Variants in ARHGAP28 observed in about 807,000 individuals in gnomAD.
ARHGAP28 encodes rho GTPase-activating protein 28.
A neutral mutation model predicts 90.7 loss-of-function variants in ARHGAP28; 56 were observed. The observed-to-expected ratio is 0.62, with a 90% CI of 0.50 to 0.77. The LOEUF is 0.77. ARHGAP28 is among the 30% of genes least tolerant of loss of function. The pLI is 0.00. For missense variants in ARHGAP28, 869 were observed against 900.9 expected (o/e 0.96, Z 0.45); for synonymous variants, 308 against 323.3 (o/e 0.95, Z 0.51).
intron 3 of ARHGAP28, among the ~76,000 whole-genome samples, chr18:6,847,543 G>A (rs1330216314): frequency 1.3e-5 from 2 of 151,890 alleles, no homozygotes; most frequent in East Asian, 1.9e-4. Context: ...TGAAAAATAT[G>A]TTTCTTACCT....
intron 1 of ARHGAP28, among the ~76,000 whole-genome samples, chr18:6,793,528 G>A (rs976835024): frequency 2.0e-5 from 3 of 152,064 alleles, no homozygotes; most frequent in African/African-American, 7.2e-5. Context: ...TGCTCTAAGT[G>A]GAAGAAAACT....
At chr18:6,808,905 G>A (rs1482258666) in intron 1 of ARHGAP28, among the ~76,000 whole-genome samples, 4 of 152,214 alleles carry the variant, frequency 2.6e-5, no homozygotes, top group Admixed American at 1.3e-4. Context: ...ATGCAGCCCT[G>A]ATGGGCATTC....
intron 1 of ARHGAP28, among the ~76,000 whole-genome samples, chr18:6,758,703 G>A (rs2056134010): frequency 6.6e-6 from 1 of 152,186 alleles, no homozygotes. Flanking sequence ...TTTCCTCCTA[G>A]CTGCTTGGTC....
chr18:6,840,145 A>G (rs1397668647), intron 3 of ARHGAP28, among the ~76,000 whole-genome samples: 1 of 152,184 alleles, frequency 6.6e-6, no homozygotes, highest in Non-Finnish European at 1.5e-5. Flanking sequence ...GTGATTTGCT[A>G]TTACTGTAAA....
chr18:6,763,864 C>T (rs1306677338), intron 1 of ARHGAP28, among the ~76,000 whole-genome samples: 1 of 152,154 alleles, frequency 6.6e-6, no homozygotes, highest in African/African-American at 2.4e-5. Context: ...CTGAGCTTCT[C>T]CCTCTTCTCT....
intron 5 of ARHGAP28, among the ~76,000 whole-genome samples, chr18:6,860,776 T>G (rs1428638192): frequency 6.6e-6 from 1 of 152,198 alleles, no homozygotes; most frequent in African/African-American, 2.4e-5. Flanking sequence ...TGTTTTTAGA[T>G]TTTTGTTTAT....
intron 4 of ARHGAP28, among the ~76,000 whole-genome samples, chr18:6,854,197 C>T (rs762963043): frequency 6.6e-6 from 1 of 152,060 alleles, no homozygotes; most frequent in Non-Finnish European, 1.5e-5. Flanking sequence ...TTCTCTCTCT[C>T]TCTCTTTTTT....
chr18:6,910,993 CATCA>C (rs2057395337), intron 17 of ARHGAP28, among the ~76,000 whole-genome samples: 3 of 151,686 alleles, frequency 2.0e-5, no homozygotes, highest in Non-Finnish European at 4.4e-5. Context: ...TACAGGCGCC[CATCA>C]CCACGCCCGG....
intron 1 of ARHGAP28, among the ~76,000 whole-genome samples, chr18:6,774,806 A>T (rs538994961): frequency 1.7e-4 from 26 of 152,284 alleles, no homozygotes; most frequent in Non-Finnish European, 1.9e-4. Context: ...CCCTGGTCCT[A>T]CACCTATGGT....
chr18:6,801,411 T>C (rs2056480832), intron 1 of ARHGAP28, among the ~76,000 whole-genome samples: 1 of 152,204 alleles, frequency 6.6e-6, no homozygotes, highest in Non-Finnish European at 1.5e-5. Flanking sequence ...TATAATTTTA[T>C]AACAAGTCTT....
At position 6,767,126 on chromosome 18, in the gene ARHGAP28, T is replaced by A. The variant is rs2056205793; in HGVS notation, c.122+37183T>A. 2.0e-5 allele frequency among the ~76,000 whole-genome samples: 3 copies of A among 152,210 alleles called. No individual in the cohort carries two copies. In the South Asian group the frequency reaches 6.2e-4, roughly 31 times the overall value. ...TTTTATCTCTACTCTTTTAGCTCTT[T>A]GTTCATTATTTTTCGTGATGGCTGC... On this transcript the variant is annotated intron_variant, in intron 1 of 17. Coordinates refer to ENST00000383472, the MANE Select transcript of ARHGAP28 (RefSeq NM_001366230.1).
At chr18:6,739,124 C>A (rs1480657956) in intron 1 of ARHGAP28, among the ~76,000 whole-genome samples, 1 of 152,148 alleles carries the variant, frequency 6.6e-6, no homozygotes, top group East Asian at 1.9e-4. Context: ...AGCCAAGATT[C>A]CAACCCGGTC....
intron 1 of ARHGAP28, chr18:6,791,656 T>G (rs893743857): frequency 5.9e-5 from 9 of 152,152 alleles, no homozygotes; most frequent in African/African-American, 9.7e-5. Flanking sequence ...GCAGATGACT[T>G]GAATTTCCAG....
chr18:6,774,908 G>A (rs1379184544), intron 1 of ARHGAP28, among the ~76,000 whole-genome samples: 2 of 152,128 alleles, frequency 1.3e-5, no homozygotes, highest in African/African-American at 4.8e-5. Flanking sequence ...TGATCTTTCC[G>A]TGGCCTCTGT....
At chr18:6,862,515 C>G (rs2057006569) in intron 5 of ARHGAP28, among the ~76,000 whole-genome samples, 1 of 152,196 alleles carries the variant, frequency 6.6e-6, no homozygotes, top group Admixed American at 6.5e-5. Context: ...GTTTGAAATG[C>G]CAACTTTATG....
intron 1 of ARHGAP28, among the ~76,000 whole-genome samples, chr18:6,732,355 GAT>G (rs1418237129): frequency 6.6e-6 from 1 of 152,158 alleles, no homozygotes; most frequent in Non-Finnish European, 1.5e-5. Flanking sequence ...GGGTTACAGA[GAT>G]AAACGGGACA....
intron 12 of ARHGAP28, among the ~76,000 whole-genome samples, chr18:6,888,739 A>G (rs933173592): frequency 6.6e-6 from 1 of 152,302 alleles, no homozygotes; most frequent in African/African-American, 2.4e-5. Flanking sequence ...AATTCAATAC[A>G]TTTCTAACAA....
intron 1 of ARHGAP28, among the ~76,000 whole-genome samples, chr18:6,750,430 C>T (rs2056059991): frequency 6.6e-6 from 1 of 152,192 alleles, no homozygotes; most frequent in African/African-American, 2.4e-5. Context: ...CCTGAAGAGC[C>T]TCTTCCCCAA....
chr18:6,769,720 T>G (rs992936938), intron 1 of ARHGAP28, among the ~76,000 whole-genome samples: 2 of 152,228 alleles, frequency 1.3e-5, no homozygotes, highest in Admixed American at 1.3e-4. Flanking sequence ...TCTTTCTGTC[T>G]TATACTGCAC....
Sources: gnomAD v4.1 joint callset for allele counts (sites outside exome capture counted in the v4.1 genomes callset) on GRCh38, gnomAD v4.1.1 for gene constraint, MANE v1.5 for transcripts, NCBI Gene and HGNC (gene_info 2026-07-23, HGNC 2026-07-21) for gene names.